WWC1: variants seen among roughly 807,000 people sequenced by gnomAD.
The protein encoded by WWC1 is WW and C2 domain containing 1, also known as protein KIBRA.
In WWC1, 55 loss-of-function variants were observed where a neutral mutation model predicts 138.4. The observed-to-expected ratio is 0.40, with a 90% CI of 0.32 to 0.50. The LOEUF is 0.50. Among genes scored for constraint, WWC1 ranks in the 20% least tolerant of loss-of-function variants. The pLI is 0.72. For missense variants in WWC1, 1,226 were observed against 1,420.4 expected (o/e 0.86, Z 2.20); for synonymous variants, 524 against 564.9 (o/e 0.93, Z 1.03).
chr5:168,325,630 G>A (rs1319309875), intron 1 of WWC1, among the ~76,000 whole-genome samples: 1 of 152,154 alleles, frequency 6.6e-6, no homozygotes, highest in Non-Finnish European at 1.5e-5. Context: ...TGTGAGAAAT[G>A]ATTTCTTTTC....
At chr5:168,413,886 A>G (rs999430767) in intron 8 of WWC1, among the ~76,000 whole-genome samples, 1 of 152,256 alleles carries the variant, frequency 6.6e-6, no homozygotes, top group African/African-American at 2.4e-5. Flanking sequence ...ATAAGCAGTC[A>G]CATCAGGTCA....
intron 11 of WWC1, among the ~76,000 whole-genome samples, chr5:168,425,502 T>A (rs1781434797): frequency 6.6e-6 from 1 of 151,026 alleles, no homozygotes. Flanking sequence ...TCCTTTTTTT[T>A]TTTTTTTTGA....
chr5:168,330,560 C>T (rs1479365501), intron 1 of WWC1, among the ~76,000 whole-genome samples: 1 of 152,152 alleles, frequency 6.6e-6, no homozygotes, highest in Non-Finnish European at 1.5e-5. Context: ...ACCATGTATG[C>T]ATGGAATGTG....
At chr5:168,444,702 C>T in intron 17 of WWC1, 117 bp downstream of exon 17, 1 of 1,088,340 alleles carries the variant, frequency 9.2e-7, no homozygotes, top group South Asian at 1.4e-5. Flanking sequence ...GGCTGAGAAC[C>T]CCTCTCCTCA....
chr5:168,340,233 G>A (rs1773932525), intron 1 of WWC1, among the ~76,000 whole-genome samples: 1 of 151,940 alleles, frequency 6.6e-6, no homozygotes, highest in South Asian at 2.1e-4. Context: ...GCATCATCAT[G>A]CCCGGCTAAG....
chr5:168,423,213 A>G (rs900064636), intron 10 of WWC1, among the ~76,000 whole-genome samples: 1 of 150,814 alleles, frequency 6.6e-6, no homozygotes, highest in Non-Finnish European at 1.5e-5. Flanking sequence ...AGAAATCTTT[A>G]TTACATAATG....
chr5:168,401,087 T>C (rs1374362364), intron 5 of WWC1, among the ~76,000 whole-genome samples: 1 of 149,376 alleles, frequency 6.7e-6, no homozygotes, highest in Non-Finnish European at 1.5e-5. Context: ...TGAGACCCTG[T>C]CTCGAAAAAA....
chr5:168,464,713 G>C lies in WWC1; in HGVS notation c.2917-16G>C. The stretch of plus-strand genomic sequence containing the variant: ...CAGAGCTCTAATAACAAGAGAAGCC[G>C]TCCCCACCCCCACAGCCTTCCTCGG... On this transcript the variant is annotated splice_polypyrimidine_tract_variant and intron_variant, in intron 20 of 22. Coordinates refer to ENST00000265293, the MANE Select transcript of WWC1 (RefSeq NM_015238.3). 6.2e-7 allele frequency: 1 copy of C among 1,614,032 alleles called. No individual in the cohort carries two copies. Among genetic ancestry groups the C allele is most frequent in the Non-Finnish European group, 8.5e-7 (1 of 1,179,938 alleles).
intron 1 of WWC1, among the ~76,000 whole-genome samples, chr5:168,346,956 C>T (rs1774525202): frequency 6.6e-6 from 1 of 152,128 alleles, no homozygotes; most frequent in South Asian, 2.1e-4. Flanking sequence ...GGGTCTTGCT[C>T]ATGCAGGGCA....
intron 17 of WWC1, among the ~76,000 whole-genome samples, chr5:168,453,636 C>G (rs1471437949): frequency 6.6e-6 from 1 of 152,136 alleles, no homozygotes; most frequent in Non-Finnish European, 1.5e-5. Flanking sequence ...ACCTCCACCT[C>G]CCGGGTTCAA....
At chr5:168,406,373 A>C (rs1202895656) in intron 6 of WWC1, 46 bp downstream of exon 6, 30 of 1,608,832 alleles carry the variant, frequency 1.9e-5, no homozygotes, top group Non-Finnish European at 2.5e-5. Flanking sequence ...ATTTCTCCTG[A>C]GTATTCCTGT....
chr5:168,402,606 C>T (rs1779391952), intron 5 of WWC1, among the ~76,000 whole-genome samples: 1 of 152,102 alleles, frequency 6.6e-6, no homozygotes, highest in Non-Finnish European at 1.5e-5. Context: ...CGCCAGCCAC[C>T]TCATTTCATT....
At position 168,424,066 on chromosome 5, in the gene WWC1, A is replaced by G. The variant is rs772625258; in HGVS notation, c.1808A>G (p.Gln603Arg). The change falls in exon 11 of 23, where the codon CAA becomes CGA. Residue 603 changes from glutamine to arginine, a missense_variant and splice_region_variant. Transcript: ENST00000265293. Reference protein sequence around the residue: ...EPGTEGKQLGQAVNTAQGCGL... With the variant: ...EPGTEGKQLGRAVNTAQGCGL... ...GGAACGGAGGGCAAGCAGCTGGGCC[A>G]AGGTAGAGAGCACCATACCCAGAGG... The G allele has an allele frequency of 1.9e-6, 3 of 1,593,084 alleles. No individual in the cohort carries two copies. The highest frequency in any genetic ancestry group is 2.6e-6 in the Non-Finnish European group (3 of 1,170,050).
chr5:168,442,341 G>A (rs1754843846), intron 16 of WWC1, among the ~76,000 whole-genome samples: 2 of 149,284 alleles, frequency 1.3e-5, no homozygotes, highest in Non-Finnish European at 1.5e-5. Context: ...GGAGCCTCAT[G>A]CCTATAATCC....
At chr5:168,373,801 C>CT (rs1247749012) in intron 2 of WWC1, among the ~76,000 whole-genome samples, 2 of 143,880 alleles carry the variant, frequency 1.4e-5, no homozygotes, top group African/African-American at 5.1e-5. Flanking sequence ...AATCCCAGCA[C>CT]TTTGGGAGGC....
intron 1 of WWC1, among the ~76,000 whole-genome samples, chr5:168,370,965 G>C (rs1367873810): frequency 6.6e-6 from 1 of 152,216 alleles, no homozygotes. Flanking sequence ...GCCTTCCAAA[G>C]GGCAAGTGAG....
intron 19 of WWC1, among the ~76,000 whole-genome samples, chr5:168,458,237 T>A (rs1756504170): frequency 1.3e-5 from 2 of 152,202 alleles, no homozygotes; most frequent in African/African-American, 4.8e-5. Context: ...AACCCCATTT[T>A]ATAGACACAG....
intron 1 of WWC1, among the ~76,000 whole-genome samples, chr5:168,328,209 G>A (rs1772724136): frequency 6.6e-6 from 1 of 152,174 alleles, no homozygotes; most frequent in African/African-American, 2.4e-5. Flanking sequence ...CCCACAAAGT[G>A]TGCATAATAA....
chr5:168,426,861 T>A (rs1266446160), intron 11 of WWC1, among the ~76,000 whole-genome samples: 1 of 152,250 alleles, frequency 6.6e-6, no homozygotes, highest in African/African-American at 2.4e-5. Context: ...GATCTGGCCT[T>A]CCCCGCTGCA....
Sources: gnomAD v4.1 joint callset for allele counts (sites outside exome capture counted in the v4.1 genomes callset) on GRCh38, gnomAD v4.1.1 for gene constraint, MANE v1.5 for transcripts, NCBI Gene and HGNC (gene_info 2026-07-23, HGNC 2026-07-21) for gene names.